The following UNC5C variants were observed in gnomAD, a reference collection of about 807,000 sequenced individuals.
UNC5C encodes the protein unc-5 netrin receptor C.
UNC5C carries 47 observed loss-of-function variants against 99.8 expected under a neutral mutation model. The observed-to-expected ratio is 0.47, with a 90% CI of 0.37 to 0.60. UNC5C has a LOEUF of 0.60. Ranked by LOEUF, UNC5C falls within the 20% of genes least tolerant of loss-of-function variation. The pLI, the probability that UNC5C is intolerant of heterozygous loss-of-function variation, is 0.00. For synonymous variants in UNC5C, 487 were observed against 452.2 expected (o/e 1.08, Z -0.98); for missense variants, 1,062 against 1,165.9 (o/e 0.91, Z 1.30).
intron 1 of UNC5C, among the ~76,000 whole-genome samples, chr4:95,462,545 C>G (rs17023984): frequency 0.018 from 2,675 of 152,190 alleles, 79 homozygotes; most frequent in African/African-American, 0.061. Context: ...AGGGTAACTT[C>G]TTGTAATATG....
rs1333008731 is a variant in UNC5C, at chr4:95,355,736, A to G, written c.125-20105T>C. On this transcript the variant is annotated intron_variant, in intron 1 of 15. Transcript: ENST00000453304. ...TGCTAAGGGACTCTTGGTACATAGC[A>G]AAACCAAAGATAAATAAAAGACGAG... 2.0e-5 allele frequency among the ~76,000 whole-genome samples: 3 copies of G among 152,184 alleles called. No individual in the cohort carries two copies. The East Asian group carries it at 5.8e-4, about 29-fold the overall frequency.
chr4:95,253,369 A>T (rs530975565), intron 4 of UNC5C, among the ~76,000 whole-genome samples: 45 of 152,266 alleles, frequency 3.0e-4, no homozygotes, highest in African/African-American at 9.6e-4. Context: ...AAAGTGTTCA[A>T]TCTGCATGGT....
At chr4:95,501,399 G>A (rs193144737) in intron 1 of UNC5C, among the ~76,000 whole-genome samples, 1 of 152,092 alleles carries the variant, frequency 6.6e-6, no homozygotes, top group Admixed American at 6.6e-5. Flanking sequence ...ATTTAATTAA[G>A]AGAAGTTAAA....
intron 7 of UNC5C, among the ~76,000 whole-genome samples, chr4:95,235,555 G>GC (rs1176569042): frequency 4.6e-5 from 7 of 152,102 alleles, no homozygotes; most frequent in Non-Finnish European, 1.0e-4. Flanking sequence ...TGAAGTCCTT[G>GC]CCCATGCCTA....
chr4:95,450,685 A>T (rs1670431189), intron 1 of UNC5C, among the ~76,000 whole-genome samples: 1 of 152,234 alleles, frequency 6.6e-6, no homozygotes, highest in Admixed American at 6.5e-5. Context: ...CACAAACTGC[A>T]GTGCATGGCA....
At position 95,165,872 on chromosome 4, in the gene UNC5C, G is replaced by T. The variant is rs1735839692; in HGVS notation, c.*3362C>A. On this transcript the variant is annotated 3_prime_UTR_variant, in exon 16 of 16. Transcript: ENST00000453304. ...TTTTATATAGATTTTACATAGTTCT[G>T]TTACAAGAAGCAACTGAAGATATGT... The T allele has an allele frequency of 6.6e-6, 1 of 152,142 alleles. No individual in the cohort carries two copies. Among genetic ancestry groups the T allele is most frequent in the African/African-American group, 2.4e-5 (1 of 41,430 alleles). The allele number at this position is 152,142 out of a possible 1,614,324, so 9.4% of individuals were successfully genotyped here.
intron 3 of UNC5C, among the ~76,000 whole-genome samples, chr4:95,300,816 C>T (rs372087999): frequency 2.0e-5 from 3 of 151,966 alleles, no homozygotes; most frequent in Non-Finnish European, 2.9e-5. Flanking sequence ...CAGGGTTTTG[C>T]GGGGAGGTGG....
At chr4:95,523,826 AG>A (rs1722427611) in intron 1 of UNC5C, among the ~76,000 whole-genome samples, 1 of 152,330 alleles carries the variant, frequency 6.6e-6, no homozygotes. Flanking sequence ...AAATGTCAAA[AG>A]TATCAATCCC....
intron 1 of UNC5C, among the ~76,000 whole-genome samples, chr4:95,400,538 G>A (rs1745659620): frequency 6.6e-6 from 1 of 151,834 alleles, no homozygotes; most frequent in African/African-American, 2.4e-5. Context: ...GACTACAGGT[G>A]CCCGCCACCA....
intron 1 of UNC5C, among the ~76,000 whole-genome samples, chr4:95,544,097 G>A (rs1425871173): frequency 6.6e-6 from 1 of 152,138 alleles, no homozygotes; most frequent in African/African-American, 2.4e-5. Flanking sequence ...TATTTTCTAT[G>A]AGCTAAAAGC....
At chr4:95,222,360 GGAAAA>G in intron 7 of UNC5C, 1 of 751,370 alleles carries the variant, frequency 1.3e-6, no homozygotes. Flanking sequence ...TTAATTAAAA[GGAAAA>G]GAAACCTGTG....
chr4:95,535,910 C>A (rs964484454), intron 1 of UNC5C, among the ~76,000 whole-genome samples: 27 of 151,862 alleles, frequency 1.8e-4, no homozygotes, highest in African/African-American at 6.0e-4. Flanking sequence ...AGACTTAAAG[C>A]ATTCACTCAA....
At chr4:95,483,037 AATAAT>A (rs1463704886) in intron 1 of UNC5C, among the ~76,000 whole-genome samples, 5 of 75,790 alleles carry the variant, frequency 6.6e-5, no homozygotes, top group African/African-American at 1.8e-4. Flanking sequence ...TAATAATAAT[AATAAT>A]AAAAACACAT....
intron 14 of UNC5C, among the ~76,000 whole-genome samples, chr4:95,172,884 G>C (rs958794535): frequency 1.2e-4 from 19 of 152,066 alleles, no homozygotes; most frequent in South Asian, 4.2e-4. Context: ...ATGGAATGTT[G>C]TTCCATTTGT....
chr4:95,450,396 T>G (rs1747248796), intron 1 of UNC5C, among the ~76,000 whole-genome samples: 1 of 152,184 alleles, frequency 6.6e-6, no homozygotes, highest in Non-Finnish European at 1.5e-5. Flanking sequence ...ATTAAAAATT[T>G]TTTTTCTGTA....
chr4:95,237,456 C>T lies in UNC5C; in HGVS notation c.1108+4973G>A, dbSNP rs569486982. Among the ~76,000 whole-genome samples the T allele has an allele frequency of 9.2e-5, 14 of 152,186 alleles. No individual in the cohort carries two copies. The East Asian group carries it at 2.5e-3, about 27-fold the overall frequency. On this transcript the variant is annotated intron_variant, in intron 7 of 15. Coordinates refer to ENST00000453304, the MANE Select transcript of UNC5C (RefSeq NM_003728.4). Reference sequence around the variant, plus strand: ...AAGTATTCATTAGTTTTATAAGTAACCTTCAAAGCCTTTTTATGAAAAATT... The same window carrying T: ...AAGTATTCATTAGTTTTATAAGTAATCTTCAAAGCCTTTTTATGAAAAATT...
chr4:95,229,075 G>A (rs1210983788), intron 7 of UNC5C, among the ~76,000 whole-genome samples: 2 of 151,968 alleles, frequency 1.3e-5, no homozygotes, highest in Non-Finnish European at 2.9e-5. Flanking sequence ...ATGCCATGTG[G>A]AAAAAAGGAA....
rs544463711 is a variant in UNC5C, at chr4:95,491,257, G to A, written c.124+57477C>T. ...TAATTACAGGCACAAATGGAAAATCGCCTCAATATAGTGCTGTATTGCTAT... is the reference window on the plus strand; with the variant it reads ...TAATTACAGGCACAAATGGAAAATCACCTCAATATAGTGCTGTATTGCTAT... On this transcript the variant is annotated intron_variant, in intron 1 of 15. Transcript: ENST00000453304. Among the ~76,000 whole-genome samples the A allele has an allele frequency of 7.3e-5, 11 of 151,502 alleles. No homozygotes were observed. The South Asian group carries it at 1.7e-3, about 23-fold the overall frequency.
intron 1 of UNC5C, among the ~76,000 whole-genome samples, chr4:95,436,179 T>A (rs1364565069): frequency 6.7e-6 from 1 of 149,748 alleles, no homozygotes; most frequent in Non-Finnish European, 1.5e-5. Context: ...TTATAATTTA[T>A]CTGATGAAAA....
Sources: gnomAD v4.1 joint callset for allele counts (sites outside exome capture counted in the v4.1 genomes callset) on GRCh38, gnomAD v4.1.1 for gene constraint, MANE v1.5 for transcripts, NCBI Gene and HGNC (gene_info 2026-07-23, HGNC 2026-07-21) for gene names.